The following LTF variants were observed in gnomAD, a reference collection of about 807,000 sequenced individuals.
LTF encodes epididymis luminal protein 110.
LTF carries 91 observed loss-of-function variants against 87.2 expected under a neutral mutation model. That is an observed-to-expected ratio of 1.04 (90% CI 0.88 to 1.24). The LOEUF (loss-of-function observed/expected upper bound fraction) is 1.24, where lower values mean the gene tolerates loss of function less well. LTF is among the 50% of genes most tolerant of loss of function. LTF has a pLI of 0.00. For missense variants in LTF, 901 were observed against 904.3 expected (o/e 1.00, Z 0.05); for synonymous variants, 378 against 356.1 (o/e 1.06, Z -0.69).
chr3:46,471,553 A>G (rs1239648642), intron 1 of LTF, among the ~76,000 whole-genome samples: 1 of 152,142 alleles, frequency 6.6e-6, no homozygotes, highest in Non-Finnish European at 1.5e-5. Flanking sequence ...CCCAGTGGAG[A>G]GCCTCCCTCA....
At position 46,459,811 on chromosome 3, in the gene LTF, GAC is replaced by G; in HGVS notation, c.50_51del (p.Cys17SerfsTer5). The G allele has an allele frequency of 6.4e-7, 1 of 1,551,908 alleles. No individual in the cohort carries two copies. Among genetic ancestry groups the G allele is most frequent in the Non-Finnish European group, 8.7e-7 (1 of 1,154,940 alleles). On this transcript the variant is annotated frameshift_variant, in exon 2 of 17. Coordinates refer to ENST00000231751, the MANE Select transcript of LTF (RefSeq NM_002343.6). LOFTEE classifies it high-confidence loss of function. Reference sequence around the variant, plus strand: ...TGAACACTCCTCCTACGGCCAGCCAGACACAGTCCTGGGAGAGAGGGGCCAAG... The same window carrying G: ...TGAACACTCCTCCTACGGCCAGCCAGACAGTCCTGGGAGAGAGGGGCCAAG... ...VLLFLGALGL[C>X]LAGRRRSVQW... is the part of the protein sequence containing the mutation.
chr3:46,482,546 AAGGG>A (rs1703448553), intron 1 of LTF, among the ~76,000 whole-genome samples: 14 of 101,546 alleles, frequency 1.4e-4, no homozygotes, highest in South Asian at 7.6e-4. Context: ...AAGGGAAGGG[AAGGG>A]AAGGGAAGGG....
rs1008442222 is a variant in LTF, at chr3:46,436,398, G to A, written c.2099-169C>T. Among the ~76,000 whole-genome samples, 9 of 152,310 alleles carry A rather than the reference G, an allele frequency of 5.9e-5. No individual in the cohort carries two copies. The South Asian group carries it at 1.7e-3, about 28-fold the overall frequency. On this transcript the variant is annotated intron_variant, in intron 16 of 16. Transcript: ENST00000231751. Reference sequence around the variant, plus strand: ...CCACTCCCCTACTCCTAGCGACTACGGTGTTCAAGGGAGCCAGAGTCTAGC... The same window carrying A: ...CCACTCCCCTACTCCTAGCGACTACAGTGTTCAAGGGAGCCAGAGTCTAGC...
chr3:46,446,358 G>T, intron 11 of LTF, 82 bp downstream of exon 11: 3 of 1,183,472 alleles, frequency 2.5e-6, no homozygotes, highest in South Asian at 1.3e-5. Flanking sequence ...AATTCTTTCT[G>T]TTTTTTTTAC....
chr3:46,460,719 G>A (rs1175107118), intron 1 of LTF: 1 of 294,418 alleles, frequency 3.4e-6, no homozygotes, highest in Non-Finnish European at 6.9e-6. Flanking sequence ...TCTAGTCACA[G>A]CAATAAGGCA....
rs761481600 is a variant in LTF, at chr3:46,439,498, G to A, written c.1724-18C>T. ...GTTATTTCCTGGGGAGAAAAAGAAG[G>A]TGGCATCATCCACGCCTCCCCTGCT... is the stretch of plus-strand genomic sequence containing the variant. On this transcript the variant is annotated intron_variant, in intron 14 of 16. Coordinates refer to ENST00000231751, the MANE Select transcript of LTF (RefSeq NM_002343.6). 3 of 1,589,072 alleles carry A rather than the reference G, an allele frequency of 1.9e-6. No homozygotes were observed.
rs573022414 is a variant in LTF, at chr3:46,445,351, G to A, written c.1443C>T (p.Ala481=). The change falls in exon 12 of 17, where the codon GCC becomes GCT. Residue 481 remains alanine, a synonymous_variant. Coordinates refer to ENST00000231751, the MANE Select transcript of LTF (RefSeq NM_002343.6). ...SVKGKKSCHT[A]VDRTAGWNIP... is the part of the protein sequence containing the mutation. ...TATTCCAGCCTGCAGTCCTGTCCAC[G>A]GCGGTGTGGCAGGACTTCTTGCCTT... The A allele has an allele frequency of 1.4e-5, 22 of 1,613,782 alleles. No homozygotes were observed. The highest frequency in any genetic ancestry group is 1.7e-4 in the Middle Eastern group (1 of 6,058).
In LTF at chr3:46,448,846, G is replaced by C; in HGVS notation, c.1212+17C>G. 1 of 1,611,000 alleles carries C rather than the reference G, an allele frequency of 6.2e-7. No individual in the cohort carries two copies. The highest frequency in any genetic ancestry group is 8.5e-7 in the Non-Finnish European group (1 of 1,179,078). ...TCCACCGGGCCCACCGCCCGCCCCT[G>C]TGATGGAGCTCCCTACCAGCACCAG... On this transcript the variant is annotated intron_variant, in intron 9 of 16. Coordinates refer to ENST00000231751, the MANE Select transcript of LTF (RefSeq NM_002343.6).
At position 46,456,100 on chromosome 3, in the gene LTF, G is replaced by A. The variant is rs143195379; in HGVS notation, c.317-122C>T. ...GTGCTGCAGTTTCCTCACAGCTCAC[G>A]TGTGTCCTCCTCTCGTGGGTCAGCG... On this transcript the variant is annotated intron_variant, in intron 3 of 16. Coordinates refer to ENST00000231751, the MANE Select transcript of LTF (RefSeq NM_002343.6). 5,003 of 1,021,690 alleles carry A rather than the reference G, an allele frequency of 4.9e-3. 21 individuals are homozygous for A. The highest frequency in any genetic ancestry group is 6.2e-3 in the Admixed American group (224 of 36,212). 63.3% of individuals were successfully genotyped at this position (1,021,690 alleles called of 1,614,324 possible). A position where few individuals can be genotyped will look rare whatever the true frequency, so the allele number is the denominator to read the frequency against.
At chr3:46,454,051 G>A (rs1702864507) in intron 6 of LTF, 1 of 512,512 alleles carries the variant, frequency 2.0e-6, no homozygotes, top group South Asian at 2.5e-5. Flanking sequence ...CATGTGTCTT[G>A]GAGGACTGGA....
At position 46,450,475 on chromosome 3, in the gene LTF, A is replaced by T. The variant is rs1464405516; in HGVS notation, c.882+20T>A. The T allele has an allele frequency of 1.9e-6, 3 of 1,593,234 alleles. No homozygotes were observed. In the African/African-American group the frequency reaches 4.0e-5, roughly 21 times the overall value. On this transcript the variant is annotated intron_variant, in intron 7 of 16. Coordinates refer to ENST00000231751, the MANE Select transcript of LTF (RefSeq NM_002343.6). Reference sequence around the variant, plus strand: ...GCCCCCCATATCCAAGCAAGTGGGGAGGACCGTGGGTGAAGATACCTGTGC... The same window carrying T: ...GCCCCCCATATCCAAGCAAGTGGGGTGGACCGTGGGTGAAGATACCTGTGC...
chr3:46,445,232 T>C (rs556685269), intron 12 of LTF, 49 bp downstream of exon 12: 27 of 1,543,516 alleles, frequency 1.7e-5, no homozygotes, highest in Admixed American at 1.5e-4. Flanking sequence ...CAGCACAATA[T>C]GCCTACCCTC....
intron 16 of LTF, 120 bp downstream of exon 16, chr3:46,437,820 A>G (rs1702420907): frequency 4.0e-6 from 3 of 741,930 alleles, no homozygotes; most frequent in Non-Finnish European, 7.0e-6. Context: ...AACTGTAAAG[A>G]GATATTATCT....
intron 6 of LTF, chr3:46,453,939 C>T (rs112661639): frequency 7.1e-5 from 18 of 252,984 alleles, no homozygotes; most frequent in African/African-American, 3.7e-4. Context: ...AAACAAAATG[C>T]TGAGCAGAAA....
intron 16 of LTF, among the ~76,000 whole-genome samples, chr3:46,436,470 C>T (rs983264384): frequency 2.0e-5 from 3 of 152,204 alleles, no homozygotes; most frequent in Admixed American, 2.0e-4. Context: ...GAGACACAAC[C>T]ACCCTGCACT....
At chr3:46,454,427 T>C in intron 5 of LTF, 67 bp from the exon 6 acceptor site, 1 of 1,296,424 alleles carries the variant, frequency 7.7e-7, no homozygotes, top group South Asian at 1.2e-5. Context: ...TGTGGAACAG[T>C]AGCCCTGGCA....
At position 46,436,314 on chromosome 3, in the gene LTF, C is replaced by G; in HGVS notation, c.2099-85G>C. The G allele has an allele frequency of 2.3e-6, 3 of 1,278,224 alleles. No individual in the cohort carries two copies. The South Asian group carries it at 3.6e-5, about 15-fold the overall frequency. 79.2% of individuals were successfully genotyped at this position (1,278,224 alleles called of 1,614,324 possible). ...TTAATCCAATAAATCAAAGAGAATA[C>G]TAAGAGTTTTCTCTGCCCTTCTCCC... On this transcript the variant is annotated intron_variant, in intron 16 of 16. Transcript: ENST00000231751.
At chr3:46,457,299 C>A (rs149630789) in intron 2 of LTF, among the ~76,000 whole-genome samples, 180 of 152,342 alleles carry the variant, frequency 1.2e-3, no homozygotes, top group African/African-American at 3.8e-3. Context: ...ATAATGTTTT[C>A]TCATAATGTG....
At chr3:46,454,153 A>C in intron 6 of LTF, 152 bp downstream of exon 6, 1 of 737,054 alleles carries the variant, frequency 1.4e-6, no homozygotes, top group Non-Finnish European at 2.4e-6. Context: ...GATCATTTAA[A>C]ATATGAAAGA....
Sources: gnomAD v4.1 joint callset for allele counts (sites outside exome capture counted in the v4.1 genomes callset) on GRCh38, gnomAD v4.1.1 for gene constraint, MANE v1.5 for transcripts, NCBI Gene and HGNC (gene_info 2026-07-23, HGNC 2026-07-21) for gene names.